CSMD3: variants seen among roughly 807,000 people sequenced by gnomAD.
CSMD3 encodes the protein CUB and sushi domain-containing protein 3.
Under a neutral mutation model 435.2 loss-of-function variants are expected in CSMD3, and 177 were observed. The ratio of observed to expected loss-of-function variants is 0.41; its 90% CI spans 0.36 to 0.46. The LOEUF (loss-of-function observed/expected upper bound fraction) is 0.46. Ranked by LOEUF, CSMD3 falls within the 20% of genes least tolerant of loss-of-function variation. CSMD3 has a pLI of 0.34. For missense variants in CSMD3, 4,265 were observed against 4,504.6 expected (o/e 0.95, Z 1.52); for synonymous variants, 1,656 against 1,520.5 (o/e 1.09, Z -2.07).
chr8:112,511,912 TCAA>T (rs1416296060), intron 28 of CSMD3, among the ~76,000 whole-genome samples: 7 of 152,182 alleles, frequency 4.6e-5, no homozygotes, highest in African/African-American at 1.7e-4. Context: ...GGATTCCATC[TCAA>T]CAAATCACTT....
intron 1 of CSMD3, among the ~76,000 whole-genome samples, chr8:113,374,666 G>A (rs2094367338): frequency 6.6e-6 from 1 of 151,776 alleles, no homozygotes. Flanking sequence ...AATATTTTGA[G>A]CTCAGCTGTG....
intron 11 of CSMD3, 137 bp from the exon 12 acceptor site, chr8:112,829,926 CAA>C (rs2079818327): frequency 4.5e-6 from 2 of 446,526 alleles, no homozygotes; most frequent in Non-Finnish European, 3.9e-6. Flanking sequence ...CACACACACA[CAA>C]GCAGTTCAAT....
At chr8:112,642,046 C>T (rs912136180) in intron 20 of CSMD3, among the ~76,000 whole-genome samples, 4 of 152,002 alleles carry the variant, frequency 2.6e-5, no homozygotes, top group South Asian at 4.2e-4. Flanking sequence ...AGTAAGAATG[C>T]TAATTCAAGA....
chr8:112,311,544 C>A (rs1156488181), intron 49 of CSMD3, among the ~76,000 whole-genome samples: 1 of 152,118 alleles, frequency 6.6e-6, no homozygotes, highest in African/African-American at 2.4e-5. Context: ...TATTTTAGAG[C>A]ATGTCGTTTA....
intron 54 of CSMD3, among the ~76,000 whole-genome samples, chr8:112,294,289 A>G (rs1242030870): frequency 6.6e-6 from 1 of 152,120 alleles, no homozygotes; most frequent in Non-Finnish European, 1.5e-5. Context: ...CACAGATTAA[A>G]TGAAATATTT....
intron 4 of CSMD3, among the ~76,000 whole-genome samples, chr8:113,105,450 A>G (rs932233492): frequency 6.6e-6 from 1 of 152,154 alleles, no homozygotes; most frequent in Non-Finnish European, 1.5e-5. Context: ...GAAGCTCTGC[A>G]GAAGAAAAGG....
chr8:113,118,369 A>G (rs777225910), intron 4 of CSMD3, among the ~76,000 whole-genome samples: 12 of 152,188 alleles, frequency 7.9e-5, no homozygotes, highest in Admixed American at 2.6e-4. Context: ...TTGGACATTT[A>G]TTTGAGAGGC....
rs1156355782 is a variant in CSMD3 at position 112,492,667 on chromosome 8, G to C, written c.5100C>G (p.Ser1700=). 6.2e-7 allele frequency: 1 copy of C among 1,613,656 alleles called. No individual in the cohort carries two copies. Among genetic ancestry groups the C allele is most frequent in the Non-Finnish European group, 8.5e-7 (1 of 1,179,698 alleles). Reference sequence around the variant, plus strand: ...TCATTATATTGCCTGGATCAAAGCAGGACTCTCGCAGTTTTGCTGTAAAAC... The same window carrying C: ...TCATTATATTGCCTGGATCAAAGCACGACTCTCGCAGTTTTGCTGTAAAAC... ...HLEYKAKLRE[S]CFDPGNIMNG... is the part of the protein sequence containing the mutation. Residue 1700 remains serine (S), a synonymous_variant, in exon 31 of 71, where the codon TCC becomes TCG. Transcript: ENST00000297405.
chr8:113,231,708 T>C (rs540606090), intron 3 of CSMD3, among the ~76,000 whole-genome samples: 81 of 151,642 alleles, frequency 5.3e-4, no homozygotes, highest in African/African-American at 1.9e-3. Flanking sequence ...CAGGCAGAGA[T>C]AGATATTAAC....
intron 4 of CSMD3, among the ~76,000 whole-genome samples, chr8:113,161,240 T>G (rs1261432634): frequency 6.6e-6 from 1 of 152,078 alleles, no homozygotes; most frequent in Non-Finnish European, 1.5e-5. Flanking sequence ...GCATTTTGTG[T>G]AAGAAGAATT....
chr8:112,963,578 G>C (rs1260531955), intron 7 of CSMD3, among the ~76,000 whole-genome samples: 1 of 151,820 alleles, frequency 6.6e-6, no homozygotes. Flanking sequence ...AAAATGTTTT[G>C]AAAATCTAGA....
chr8:112,449,182 C>A (rs994021185), intron 32 of CSMD3, among the ~76,000 whole-genome samples: 3 of 152,100 alleles, frequency 2.0e-5, no homozygotes, highest in African/African-American at 7.2e-5. Flanking sequence ...CATTCACTAG[C>A]TTTAGAAGGC....
At chr8:112,316,601 T>C (rs192452232) in intron 47 of CSMD3, among the ~76,000 whole-genome samples, 75 of 151,934 alleles carry the variant, frequency 4.9e-4, no homozygotes, top group African/African-American at 1.7e-3. Context: ...ATTGTAACTT[T>C]ATGTTAGGCA....
At chr8:113,398,978 C>G (rs905347819) in intron 1 of CSMD3, among the ~76,000 whole-genome samples, 1 of 150,356 alleles carries the variant, frequency 6.7e-6, no homozygotes, top group African/African-American at 2.4e-5. Context: ...CAAAAATTGT[C>G]TTGTGCATAT....
At chr8:112,711,601 A>G (rs1280401778) in intron 13 of CSMD3, among the ~76,000 whole-genome samples, 2 of 152,144 alleles carry the variant, frequency 1.3e-5, no homozygotes, top group Non-Finnish European at 2.9e-5. Flanking sequence ...TTCATTAAAA[A>G]CCACAGTCTA....
chr8:112,239,107 C>T (rs1020954433), intron 66 of CSMD3, among the ~76,000 whole-genome samples: 9 of 152,066 alleles, frequency 5.9e-5, no homozygotes, highest in African/African-American at 2.2e-4. Context: ...ATAAGGCAAA[C>T]ACAGAACTGT....
At chr8:113,033,067 A>G (rs1214906904) in intron 5 of CSMD3, among the ~76,000 whole-genome samples, 1 of 151,514 alleles carries the variant, frequency 6.6e-6, no homozygotes, top group Non-Finnish European at 1.5e-5. Flanking sequence ...ATTTCAGAGG[A>G]TGTATAGAAA....
chr8:113,184,133 A>G (rs1054843233), intron 3 of CSMD3, among the ~76,000 whole-genome samples: 9 of 151,960 alleles, frequency 5.9e-5, no homozygotes, highest in African/African-American at 2.2e-4. Context: ...CCAGTTTATT[A>G]CAGAAGATAT....
At chr8:113,163,800 G>A (rs750776852) in intron 4 of CSMD3, among the ~76,000 whole-genome samples, 1 of 151,966 alleles carries the variant, frequency 6.6e-6, no homozygotes, top group Non-Finnish European at 1.5e-5. Flanking sequence ...TGATTTTACT[G>A]ACTCTGTGAA....
Sources: gnomAD v4.1 joint callset for allele counts (sites outside exome capture counted in the v4.1 genomes callset) on GRCh38, gnomAD v4.1.1 for gene constraint, MANE v1.5 for transcripts, NCBI Gene and HGNC (gene_info 2026-07-23, HGNC 2026-07-21) for gene names.